The following AOPEP variants were observed in gnomAD, a reference collection of about 807,000 sequenced individuals.
AOPEP encodes aminopeptidase O.
Under a neutral mutation model 98.1 loss-of-function variants are expected in AOPEP, and 77 were observed. The ratio of observed to expected loss-of-function variants is 0.78; its 90% CI spans 0.65 to 0.95. The LOEUF (loss-of-function observed/expected upper bound fraction) is 0.95, where lower values mean the gene tolerates loss of function less well. Ranked by LOEUF, AOPEP falls within the 40% of genes least tolerant of loss-of-function variation. The pLI is 0.00. For synonymous variants in AOPEP, 346 were observed against 365.3 expected (o/e 0.95, Z 0.60); for missense variants, 1,024 against 1,024.7 (o/e 1.00, Z 0.01).
At chr9:94,838,818 A>G (rs1564230006) in intron 5 of AOPEP, among the ~76,000 whole-genome samples, 1 of 152,052 alleles carries the variant, frequency 6.6e-6, no homozygotes, top group African/African-American at 2.4e-5. Flanking sequence ...GTAATTTACA[A>G]CATAGAGGTC....
In AOPEP at chr9:94,751,818, T is replaced by C. The variant is rs533341585; in HGVS notation, c.-135-7831T>C. ...TGTGCAGGTTTGTTGCAAGGGTATATTGCATGATGCTGAGGTTTGGGCTTC... is the reference window on the plus strand; with the variant it reads ...TGTGCAGGTTTGTTGCAAGGGTATACTGCATGATGCTGAGGTTTGGGCTTC... On this transcript the variant is annotated intron_variant, in intron 1 of 16. Coordinates refer to ENST00000375315, the MANE Select transcript of AOPEP (RefSeq NM_001193329.3). Among the ~76,000 whole-genome samples the C allele has an allele frequency of 1.8e-3, 270 of 151,948 alleles. 1 individual carries two copies. The highest frequency in any genetic ancestry group is 6.4e-3 in the African/African-American group (266 of 41,404).
rs10993380 is a variant in AOPEP at position 94,874,920 on chromosome 9, A to T, written c.1365-49066A>T. ...TATTTTTTAACAAGGCAACTATATT[A>T]TTTATAATATCCTGCCAAACATGAA... On this transcript the variant is annotated intron_variant, in intron 5 of 16. Coordinates refer to ENST00000375315, the MANE Select transcript of AOPEP (RefSeq NM_001193329.3). 7.2e-5 allele frequency among the ~76,000 whole-genome samples: 11 copies of T among 152,290 alleles called. No individual in the cohort carries two copies. In the East Asian group the frequency reaches 2.1e-3, roughly 29 times the overall value.
chr9:94,961,008 T>G (rs1447734913), intron 9 of AOPEP, among the ~76,000 whole-genome samples: 1 of 119,292 alleles, frequency 8.4e-6, no homozygotes, highest in African/African-American at 3.9e-5. Flanking sequence ...AGCGAGAATC[T>G]GTCTCAAAAA....
At position 95,082,475 on chromosome 9, in the gene AOPEP, C is replaced by T. The variant is rs995080765; in HGVS notation, c.2320-100C>T. On this transcript the variant is annotated intron_variant, in intron 15 of 16. Coordinates refer to ENST00000375315, the MANE Select transcript of AOPEP (RefSeq NM_001193329.3). ...TCTGGGGTCTTTGCAATTTCTAGACCAGCAAGTGTGTGTGGAACAAGCACA... is the reference window on the plus strand; with the variant it reads ...TCTGGGGTCTTTGCAATTTCTAGACTAGCAAGTGTGTGTGGAACAAGCACA... 1.3e-5 allele frequency: 17 copies of T among 1,352,176 alleles called. No homozygotes were observed. The East Asian group carries it at 1.7e-4, about 14-fold the overall frequency. 83.8% of individuals were successfully genotyped at this position (1,352,176 alleles called of 1,614,324 possible).
chr9:95,011,193 T>C (rs2062473738), intron 13 of AOPEP, among the ~76,000 whole-genome samples: 1 of 149,878 alleles, frequency 6.7e-6, no homozygotes, highest in Admixed American at 6.8e-5. Flanking sequence ...TTATTTTTCC[T>C]AATTTCCCTA....
intron 5 of AOPEP, among the ~76,000 whole-genome samples, chr9:94,801,414 C>T (rs185688116): frequency 6.6e-6 from 1 of 152,350 alleles, no homozygotes. Flanking sequence ...GGCTACTCAC[C>T]TAATCCTGAC....
the AOPEP span, chr9:95,100,756 G>A: frequency 1.2e-4 from 28 of 225,902 alleles, no homozygotes; most frequent in African/African-American, 5.3e-4. Flanking sequence ...TCAGCCTCTT[G>A]AATAGCTGGG....
At chr9:95,130,191 T>C in the AOPEP span, among the ~76,000 whole-genome samples, 1 of 152,090 alleles carries the variant, frequency 6.6e-6, no homozygotes, top group Non-Finnish European at 1.5e-5. Flanking sequence ...CACCAATGAT[T>C]ATTACAAGCC....
chr9:94,940,846 C>T (rs1234915565), intron 7 of AOPEP, among the ~76,000 whole-genome samples: 1 of 152,114 alleles, frequency 6.6e-6, no homozygotes, highest in Admixed American at 6.5e-5. Context: ...CTTCCCTTTC[C>T]CTGCTGCCAC....
At chr9:94,811,448 C>T (rs983112782) in intron 5 of AOPEP, among the ~76,000 whole-genome samples, 3 of 152,184 alleles carry the variant, frequency 2.0e-5, no homozygotes, top group East Asian at 3.8e-4. Context: ...TTTCTCTTCT[C>T]CCTTGGCCTT....
intron 5 of AOPEP, among the ~76,000 whole-genome samples, chr9:94,807,878 T>G (rs1000319970): frequency 6.6e-6 from 1 of 152,188 alleles, no homozygotes; most frequent in Admixed American, 6.5e-5. Context: ...CAAAGTACAA[T>G]GTGTGAACAG....
rs560031098 is a variant in AOPEP at position 94,969,539 on chromosome 9, C to G, written c.1916+1738C>G. Among the ~76,000 whole-genome samples, 15 of 151,904 alleles carry G rather than the reference C, an allele frequency of 9.9e-5. No homozygotes were observed. The East Asian group carries it at 2.9e-3, about 29-fold the overall frequency. ...TCTTCTGCCTCAGCCTCCCGAGTAG[C>G]TGGGACTATAGGCGCCCGCCACCAC... On this transcript the variant is annotated intron_variant, in intron 10 of 16. Coordinates refer to ENST00000375315, the MANE Select transcript of AOPEP (RefSeq NM_001193329.3).
intron 5 of AOPEP, among the ~76,000 whole-genome samples, chr9:94,825,990 C>CT (rs1460031929): frequency 6.6e-6 from 1 of 151,086 alleles, no homozygotes; most frequent in Admixed American, 6.6e-5. Flanking sequence ...ATAGCTTTTT[C>CT]TTTTTTTAGC....
At chr9:94,839,824 A>G (rs2042072147) in intron 5 of AOPEP, among the ~76,000 whole-genome samples, 2 of 152,044 alleles carry the variant, frequency 1.3e-5, no homozygotes, top group African/African-American at 4.8e-5. Flanking sequence ...GCTGGAGTGC[A>G]GTGGTACAAT....
At chr9:95,086,184 T>TGCGTCCACCCC in intron 16 of AOPEP, 30 of 1,314,790 alleles carry the variant, frequency 2.3e-5, no homozygotes, top group Non-Finnish European at 3.0e-5. Context: ...GCGTCCACCC[T>TGCGTCCACCCC]GCGTCCACCC....
chr9:95,125,623 A>G, the AOPEP span, among the ~76,000 whole-genome samples: 7 of 152,214 alleles, frequency 4.6e-5, no homozygotes, highest in Admixed American at 3.3e-4. Flanking sequence ...ATTATTGTAC[A>G]ATTAATTTTT....
chr9:95,125,027 T>C, the AOPEP span: 17 of 1,447,888 alleles, frequency 1.2e-5, no homozygotes, highest in Admixed American at 5.0e-5. Context: ...TTGTCCAAAA[T>C]ACTCTCAACA....
chr9:94,916,028 C>T (rs2052742868), intron 5 of AOPEP, among the ~76,000 whole-genome samples: 3 of 152,282 alleles, frequency 2.0e-5, no homozygotes, highest in South Asian at 2.1e-4. Context: ...CAGGCCTCCA[C>T]ACCGCCACAC....
intron 13 of AOPEP, among the ~76,000 whole-genome samples, chr9:95,034,658 C>T (rs538767391): frequency 6.6e-6 from 1 of 152,318 alleles, no homozygotes; most frequent in East Asian, 1.9e-4. Flanking sequence ...GGGCTGAAGG[C>T]ATTTGTTTGG....
Sources: gnomAD v4.1 joint callset for allele counts (sites outside exome capture counted in the v4.1 genomes callset) on GRCh38, gnomAD v4.1.1 for gene constraint, MANE v1.5 for transcripts, NCBI Gene and HGNC (gene_info 2026-07-23, HGNC 2026-07-21) for gene names.